FARS2: variants seen among roughly 807,000 people sequenced by gnomAD.
The protein encoded by FARS2 is phenylalanine--tRNA ligase, mitochondrial.
In FARS2, 40 loss-of-function variants were observed where a neutral mutation model predicts 46.4. The observed-to-expected ratio is 0.86, with a 90% CI of 0.67 to 1.12. FARS2 has a LOEUF of 1.12. Ranked by LOEUF, FARS2 falls within the 50% of genes most tolerant of loss-of-function variation. The probability of loss-of-function intolerance (pLI) is 0.00; values close to 1 mark genes in which losing one functional copy is unlikely to be tolerated. For synonymous variants in FARS2, 234 were observed against 214.9 expected, an observed-to-expected ratio of 1.09 and a Z score of -0.78; for missense variants, 513 against 567.9, an observed-to-expected ratio of 0.90 and a Z score of 0.98.
intron 6 of FARS2, among the ~76,000 whole-genome samples, chr6:5,692,460 C>T (rs1380367457): frequency 6.6e-6 from 1 of 152,150 alleles, no homozygotes; most frequent in Non-Finnish European, 1.5e-5. Flanking sequence ...GTTCCCTTTC[C>T]CGTCCATCAA....
rs61097603 is a variant in FARS2 at position 5,365,317 on chromosome 6, C to CTTTTTTTTTTTTTTTTTTT, written c.-21-3222_-21-3204dup. ...GACCTTTGATTGAGAAGTATACTTT[C>CTTTTTTTTTTTTTTTTTTT]TTTTTTTTTTTTTTTTTTTTTTTTT... On this transcript the variant is annotated intron_variant, in intron 1 of 6. Transcript: ENST00000274680. Among the ~76,000 whole-genome samples the CTTTTTTTTTTTTTTTTTTT allele has an allele frequency of 6.6e-4, 28 of 42,496 alleles. 10 individuals are homozygous for CTTTTTTTTTTTTTTTTTTT. The highest frequency in any genetic ancestry group is 7.5e-4 in the Non-Finnish European group (18 of 23,928). 27.9% of individuals were successfully genotyped at this position (42,496 alleles called of 152,430 possible).
intron 4 of FARS2, among the ~76,000 whole-genome samples, chr6:5,474,661 C>CTATTTTTTTTTTTTTTT (rs34998565): frequency 1.4e-5 from 1 of 71,320 alleles, no homozygotes. Context: ...AAATACAGTA[C>CTATTTTTTTTTTTTTTT]TGTTTTTTTT....
At chr6:5,285,626 C>CT (rs1198440637) in intron 1 of FARS2, among the ~76,000 whole-genome samples, 3 of 152,166 alleles carry the variant, frequency 2.0e-5, no homozygotes, top group African/African-American at 7.2e-5. Context: ...GGCAAGACTG[C>CT]TTTTCAAATC....
At chr6:5,741,028 T>C (rs568291904) in intron 6 of FARS2, among the ~76,000 whole-genome samples, 1 of 152,320 alleles carries the variant, frequency 6.6e-6, no homozygotes, top group African/African-American at 2.4e-5. Flanking sequence ...TAACACAGAC[T>C]GCGGCAGGGT....
At chr6:5,414,981 AT>A (rs559168191) in intron 3 of FARS2, among the ~76,000 whole-genome samples, 1 of 150,144 alleles carries the variant, frequency 6.7e-6, no homozygotes. Context: ...TGCCTGGGTA[AT>A]TTTTTTTTGT....
intron 6 of FARS2, among the ~76,000 whole-genome samples, chr6:5,744,284 GTCC>G (rs1375317156): frequency 6.6e-6 from 1 of 152,186 alleles, no homozygotes; most frequent in Non-Finnish European, 1.5e-5. Flanking sequence ...GGACAACCCT[GTCC>G]TCCTCCTCAT....
chr6:5,413,320 A>G (rs1334042672), intron 3 of FARS2, among the ~76,000 whole-genome samples: 2 of 152,208 alleles, frequency 1.3e-5, no homozygotes, highest in African/African-American at 4.8e-5. Context: ...GTTAATTAAA[A>G]TAAAATTATT....
intron 5 of FARS2, among the ~76,000 whole-genome samples, chr6:5,577,109 G>C (rs2150572133): frequency 6.6e-6 from 1 of 152,202 alleles, no homozygotes; most frequent in South Asian, 2.1e-4. Flanking sequence ...CTAGCCAGGA[G>C]GGTACTTTTA....
intron 4 of FARS2, chr6:5,466,998 G>A (rs1468650860): frequency 2.0e-6 from 2 of 985,122 alleles, no homozygotes; most frequent in Non-Finnish European, 2.4e-6. Context: ...TGCAACAGAT[G>A]TCCTCCTGAG....
intron 4 of FARS2, among the ~76,000 whole-genome samples, chr6:5,443,630 G>A (rs1763964786): frequency 6.6e-6 from 1 of 152,162 alleles, no homozygotes; most frequent in South Asian, 2.1e-4. Flanking sequence ...GAGTGGACCC[G>A]AACCAACCTC....
intron 5 of FARS2, among the ~76,000 whole-genome samples, chr6:5,606,063 T>C (rs564276909): frequency 1.3e-5 from 2 of 152,064 alleles, no homozygotes; most frequent in East Asian, 1.9e-4. Context: ...GGAAGATAGA[T>C]TCAGAAGCTC....
chr6:5,665,322 C>G (rs1455946526), intron 6 of FARS2: 2 of 152,422 alleles, frequency 1.3e-5, no homozygotes, highest in Non-Finnish European at 2.9e-5. Flanking sequence ...GAGGCTGGCA[C>G]TCCACAGTGC....
chr6:5,519,584 AT>A (rs1162005343), intron 4 of FARS2, among the ~76,000 whole-genome samples: 1 of 152,160 alleles, frequency 6.6e-6, no homozygotes, highest in Non-Finnish European at 1.5e-5. Flanking sequence ...AAGGCTATTA[AT>A]TTCTGTACTC....
chr6:5,628,652 C>A (rs927007362), intron 6 of FARS2, among the ~76,000 whole-genome samples: 4 of 152,216 alleles, frequency 2.6e-5, no homozygotes, highest in African/African-American at 4.8e-5. Context: ...TAGGAACCAT[C>A]CCCGGCCACG....
intron 6 of FARS2, among the ~76,000 whole-genome samples, chr6:5,771,065 T>C (rs1763016864): frequency 6.6e-6 from 1 of 152,172 alleles, no homozygotes; most frequent in Non-Finnish European, 1.5e-5. Context: ...CTTTGATACA[T>C]CCACCCCAGT....
intron 6 of FARS2, among the ~76,000 whole-genome samples, chr6:5,749,371 G>A (rs1233281196): frequency 1.3e-5 from 2 of 152,232 alleles, no homozygotes; most frequent in African/African-American, 4.8e-5. Context: ...GCTGTGGTGG[G>A]GATTGGAAGA....
intron 5 of FARS2, chr6:5,609,707 T>C: frequency 7.0e-7 from 1 of 1,431,382 alleles, no homozygotes; most frequent in Admixed American, 1.7e-5. Flanking sequence ...AATGACAGTC[T>C]TATCCACGGA....
At chr6:5,414,750 G>A (rs1257327854) in intron 3 of FARS2, among the ~76,000 whole-genome samples, 1 of 149,002 alleles carries the variant, frequency 6.7e-6, no homozygotes, top group Non-Finnish European at 1.5e-5. Context: ...TATGGACATC[G>A]CTTTTTTTTT....
At chr6:5,486,343 C>T (rs1452404509) in intron 4 of FARS2, among the ~76,000 whole-genome samples, 1 of 152,136 alleles carries the variant, frequency 6.6e-6, no homozygotes, top group African/African-American at 2.4e-5. Flanking sequence ...GAAGTGTTTC[C>T]CTGAGCCCCA....
Sources: allele counts gnomAD v4.1 joint callset (sites outside exome capture counted in the v4.1 genomes callset), GRCh38; gene constraint gnomAD v4.1.1; transcripts MANE v1.5; gene names NCBI Gene and HGNC (gene_info 2026-07-23, HGNC 2026-07-21).